Variants in THADA observed in about 807,000 individuals in gnomAD.
THADA encodes tRNA (32-2'-O)-methyltransferase regulator THADA.
A neutral mutation model predicts 219.8 loss-of-function variants in THADA; 213 were observed. The observed-to-expected ratio is 0.97, with a 90% CI of 0.87 to 1.09. The LOEUF is 1.09. Among genes scored for constraint, THADA ranks in the 50% least tolerant of loss-of-function variants. THADA has a pLI of 0.00. For synonymous variants in THADA, 1,018 were observed against 828.9 expected, an observed-to-expected ratio of 1.23 and a Z score of -3.92; for missense variants, 2,956 against 2,311.3, an observed-to-expected ratio of 1.28 and a Z score of -5.72.
At chr2:43,594,054 C>G (rs1701880927) in intron 1 of THADA, among the ~76,000 whole-genome samples, 1 of 152,068 alleles carries the variant, frequency 6.6e-6, no homozygotes, top group East Asian at 1.9e-4. Flanking sequence ...ACCTTTTAAA[C>G]AAAGAAATTT....
chr2:43,286,450 G>A (rs1047294391), intron 35 of THADA, among the ~76,000 whole-genome samples: 5 of 152,110 alleles, frequency 3.3e-5, no homozygotes, highest in Admixed American at 2.0e-4. Context: ...GGTTAAGAGT[G>A]TGTTGGTGGT....
At chr2:43,428,043 A>T in intron 28 of THADA, 57 bp downstream of exon 28, 1 of 1,325,012 alleles carries the variant, frequency 7.5e-7, no homozygotes, top group South Asian at 1.6e-5. Flanking sequence ...AGAAGATAAA[A>T]TATTCCCGTA....
chr2:43,333,863 A>G (rs1032753118), intron 30 of THADA, among the ~76,000 whole-genome samples: 1 of 152,248 alleles, frequency 6.6e-6, no homozygotes, highest in African/African-American at 2.4e-5. Context: ...GGACCAGCCC[A>G]TGAGGGATTT....
At chr2:43,365,857 T>C (rs996084616) in intron 29 of THADA, among the ~76,000 whole-genome samples, 2 of 152,102 alleles carry the variant, frequency 1.3e-5, no homozygotes, top group Admixed American at 6.5e-5. Context: ...ATTAAGAGTT[T>C]ATAATTGCTC....
At chr2:43,489,661 C>T (rs1038122278) in intron 25 of THADA, among the ~76,000 whole-genome samples, 41 of 151,950 alleles carry the variant, frequency 2.7e-4, no homozygotes, top group African/African-American at 9.7e-4. Context: ...TGTCTTGGCA[C>T]CTTTATTAAA....
intron 7 of THADA, among the ~76,000 whole-genome samples, chr2:43,583,817 G>A (rs1430105697): frequency 6.6e-6 from 1 of 151,994 alleles, no homozygotes; most frequent in East Asian, 1.9e-4. Flanking sequence ...CTGGGGCAGG[G>A]GGACTGCTTG....
intron 36 of THADA, among the ~76,000 whole-genome samples, chr2:43,253,236 G>C (rs1669984021): frequency 6.6e-6 from 1 of 152,202 alleles, no homozygotes; most frequent in South Asian, 2.1e-4. Flanking sequence ...TGGGAGGAAA[G>C]GGAATCGTGG....
chr2:43,483,937 G>C (rs1410702787), intron 26 of THADA, among the ~76,000 whole-genome samples: 1 of 151,908 alleles, frequency 6.6e-6, no homozygotes, highest in African/African-American at 2.4e-5. Flanking sequence ...TAGCACACTG[G>C]AGAATTATTA....
At chr2:43,250,294 T>C (rs145375260) in intron 36 of THADA, among the ~76,000 whole-genome samples, 2,699 of 152,154 alleles carry the variant, frequency 0.018, 47 homozygotes, top group Non-Finnish European at 0.023. Context: ...CTAATGAAAA[T>C]AGCCAAGCAC....
chr2:43,587,345 C>T (rs888164591), intron 4 of THADA, among the ~76,000 whole-genome samples: 3 of 152,196 alleles, frequency 2.0e-5, no homozygotes, highest in Admixed American at 6.5e-5. Context: ...CAAGGTCCTC[C>T]CGATACAATC....
At chr2:43,274,547 G>A (rs13399243) in intron 36 of THADA, among the ~76,000 whole-genome samples, 20,191 of 152,196 alleles carry the variant, frequency 0.13, 1,457 homozygotes, top group African/African-American at 0.18. Context: ...TGATAAAAGC[G>A]TAGAATAGCA....
intron 9 of THADA, among the ~76,000 whole-genome samples, chr2:43,577,763 C>A (rs1700011837): frequency 1.3e-5 from 2 of 151,748 alleles, no homozygotes; most frequent in South Asian, 2.1e-4. Flanking sequence ...ATTTACTGAA[C>A]AATTGACTCT....
intron 29 of THADA, among the ~76,000 whole-genome samples, chr2:43,357,042 CTGACAGATGGCAAG>C (rs1668942927): frequency 2.0e-5 from 3 of 152,220 alleles, no homozygotes; most frequent in Admixed American, 6.5e-5. Context: ...CACATAATGT[CTGACAGATGGCAAG>C]TGTCACTGTG....
At chr2:43,378,687 C>A (rs111947872) in intron 29 of THADA, among the ~76,000 whole-genome samples, 9,773 of 152,222 alleles carry the variant, frequency 0.064, 394 homozygotes, top group Non-Finnish European at 0.097. Context: ...CTCACTGCAA[C>A]CTCCACTTCC....
Position 43,283,763 on chromosome 2 carries a change from C to G in THADA, c.5164+3145G>C, listed in dbSNP as rs1400511543. On this transcript the variant is annotated intron_variant, in intron 35 of 37. Transcript: ENST00000405975. ...TCATATGCATGAACAAAGAGATTATCTGAAACTGGAACTTACATTTAAAAG... is the reference window on the plus strand; with the variant it reads ...TCATATGCATGAACAAAGAGATTATGTGAAACTGGAACTTACATTTAAAAG... 4.6e-5 allele frequency among the ~76,000 whole-genome samples: 7 copies of G among 152,328 alleles called. No individual in the cohort carries two copies. The South Asian group carries it at 6.2e-4, about 14-fold the overall frequency.
intron 29 of THADA, among the ~76,000 whole-genome samples, chr2:43,348,375 T>C (rs575735847): frequency 1.3e-5 from 2 of 152,298 alleles, no homozygotes; most frequent in African/African-American, 2.4e-5. Flanking sequence ...TCAAAGCTCT[T>C]AGGCTTTTTT....
At chr2:43,316,724 T>TCGAGA (rs1015761902) in intron 31 of THADA, among the ~76,000 whole-genome samples, 1 of 152,064 alleles carries the variant, frequency 6.6e-6, no homozygotes, top group Non-Finnish European at 1.5e-5. Context: ...GGTTGGGAGT[T>TCGAGA]CGAGACCAGC....
chr2:43,396,113 A>G (rs1038961757), intron 29 of THADA, among the ~76,000 whole-genome samples: 15 of 152,128 alleles, frequency 9.9e-5, no homozygotes, highest in Non-Finnish European at 2.9e-5. Flanking sequence ...GGGAGCCGCA[A>G]CCCCTTTTAA....
chr2:43,587,399 T>C (rs1196678077), intron 4 of THADA, among the ~76,000 whole-genome samples: 1 of 152,186 alleles, frequency 6.6e-6, no homozygotes, highest in Non-Finnish European at 1.5e-5. Flanking sequence ...TTTATTTTTT[T>C]TCTTTTCTTG....
Sources: allele counts gnomAD v4.1 joint callset (sites outside exome capture counted in the v4.1 genomes callset), GRCh38; gene constraint gnomAD v4.1.1; transcripts MANE v1.5; gene names NCBI Gene and HGNC (gene_info 2026-07-23, HGNC 2026-07-21).